The following MSRA variants were observed in gnomAD, a reference collection of about 807,000 sequenced individuals.
MSRA encodes the protein mitochondrial peptide methionine sulfoxide reductase.
Under a neutral mutation model 31.3 loss-of-function variants are expected in MSRA, and 54 were observed. The observed-to-expected ratio is 1.73, with a 90% CI of 1.39 to 2.17. The LOEUF (loss-of-function observed/expected upper bound fraction) is 2.17, where lower values mean the gene tolerates loss of function less well. Ranked by LOEUF, MSRA falls within the 30% of genes most tolerant of loss-of-function variation. The probability of loss-of-function intolerance (pLI) is 0.00; values close to 1 mark genes in which losing one functional copy is unlikely to be tolerated. For synonymous variants in MSRA, 169 were observed against 116.5 expected, an observed-to-expected ratio of 1.45 and a Z score of -2.90; for missense variants, 507 against 300.9, an observed-to-expected ratio of 1.69 and a Z score of -5.07.
rs542788906 is a variant in MSRA, at chr8:10,177,995, G to C, written c.143-29838G>C. Among the ~76,000 whole-genome samples, 6 of 152,148 alleles carry C rather than the reference G, an allele frequency of 3.9e-5. No individual in the cohort carries two copies. The South Asian group carries it at 1.2e-3, about 32-fold the overall frequency. On this transcript the variant is annotated intron_variant, in intron 1 of 5. Coordinates refer to ENST00000317173, the MANE Select transcript of MSRA (RefSeq NM_012331.5). ...CAAGAACCTGTTCATCTCACTGTGG[G>C]GTTTATATCCTCCTTACCGCTTCAC... is the stretch of plus-strand genomic sequence containing the variant.
At chr8:10,144,696 A>G (rs1802992631) in intron 1 of MSRA, among the ~76,000 whole-genome samples, 1 of 150,874 alleles carries the variant, frequency 6.6e-6, no homozygotes, top group African/African-American at 2.4e-5. Flanking sequence ...ATTCTGCAGC[A>G]TCCTGCTGTG....
chr8:10,148,709 G>C (rs1286127058), intron 1 of MSRA, among the ~76,000 whole-genome samples: 4 of 146,836 alleles, frequency 2.7e-5, no homozygotes. Flanking sequence ...GGCCGAGGCA[G>C]GAGGATTGCT....
intron 2 of MSRA, among the ~76,000 whole-genome samples, chr8:10,215,473 C>G (rs556537978): frequency 1.3e-5 from 2 of 152,344 alleles, no homozygotes; most frequent in South Asian, 2.1e-4. Flanking sequence ...GCTCTCCTCA[C>G]TCTGGGTGAG....
At chr8:10,393,048 C>A (rs575726672) in intron 5 of MSRA, among the ~76,000 whole-genome samples, 2 of 121,352 alleles carry the variant, frequency 1.6e-5, no homozygotes, top group Non-Finnish European at 3.2e-5. Context: ...GACGACTGAG[C>A]GAGACTCCGT....
At chr8:10,215,025 A>C (rs1364998992) in intron 2 of MSRA, among the ~76,000 whole-genome samples, 5 of 152,202 alleles carry the variant, frequency 3.3e-5, no homozygotes, top group African/African-American at 9.7e-5. Context: ...ATGGAGTCAC[A>C]GAGGAGGGTG....
At chr8:10,081,676 G>T (rs1240955120) in intron 1 of MSRA, among the ~76,000 whole-genome samples, 2 of 152,100 alleles carry the variant, frequency 1.3e-5, no homozygotes, top group Non-Finnish European at 2.9e-5. Context: ...TTTTAGTAGA[G>T]ACGGGGTTTC....
At chr8:10,147,529 C>G (rs150199228) in intron 1 of MSRA, among the ~76,000 whole-genome samples, 59 of 152,310 alleles carry the variant, frequency 3.9e-4, no homozygotes, top group African/African-American at 1.2e-3. Context: ...GGAAGTGACA[C>G]ACTCTGTCTC....
chr8:10,408,770 T>G (rs917790244), intron 5 of MSRA, among the ~76,000 whole-genome samples: 2 of 124,342 alleles, frequency 1.6e-5, no homozygotes, highest in African/African-American at 6.0e-5. Context: ...CCAGTAACTA[T>G]TATGTTCTTG....
chr8:10,398,368 G>T (rs1384239115), intron 5 of MSRA, among the ~76,000 whole-genome samples: 2 of 152,176 alleles, frequency 1.3e-5, no homozygotes, highest in Admixed American at 6.5e-5. Context: ...AGCAGGTCAG[G>T]GTGGCTCCTC....
In MSRA at chr8:10,335,250, GTTTTTTTTTT is replaced by G. The variant is rs1170264568; in HGVS notation, c.543+15275_543+15284del. ...TTCACCCTTAACACCTCCCAGCTCT[GTTTTTTTTTT>G]TTTTTTTTTTTTTGTAGTGTTTGAA... On this transcript the variant is annotated intron_variant, in intron 5 of 5. Coordinates refer to ENST00000317173, the MANE Select transcript of MSRA (RefSeq NM_012331.5). 6.3e-5 allele frequency among the ~76,000 whole-genome samples: 5 copies of G among 79,880 alleles called. No individual in the cohort carries two copies. In the East Asian group the frequency reaches 2.2e-3, roughly 35 times the overall value. The allele number at this position is 79,880 out of a possible 152,430, so 52.4% of individuals were successfully genotyped here. A position where few individuals can be genotyped will look rare whatever the true frequency, so the allele number is the denominator to read the frequency against.
intron 1 of MSRA, among the ~76,000 whole-genome samples, chr8:10,122,111 C>A (rs1347974673): frequency 6.6e-6 from 1 of 152,068 alleles, no homozygotes; most frequent in East Asian, 1.9e-4. Flanking sequence ...CATGGCAAAG[C>A]TGGAAGGGTC....
At chr8:10,096,250 GT>G (rs2128929935) in intron 1 of MSRA, 1 of 1,185,990 alleles carries the variant, frequency 8.4e-7, no homozygotes, top group East Asian at 3.7e-5. Context: ...CCAGCAATTA[GT>G]GACAACACTG....
chr8:10,336,541 G>A (rs1803057633), intron 5 of MSRA, among the ~76,000 whole-genome samples: 1 of 151,586 alleles, frequency 6.6e-6, no homozygotes, highest in Non-Finnish European at 1.5e-5. Flanking sequence ...ACCAAACTCA[G>A]TGTCTGATGT....
chr8:10,378,337 T>G (rs1805867488), intron 5 of MSRA, among the ~76,000 whole-genome samples: 2 of 152,110 alleles, frequency 1.3e-5, no homozygotes, highest in African/African-American at 2.4e-5. Flanking sequence ...ACTCATTGGG[T>G]GGGCAGCTGC....
In MSRA at chr8:10,192,412, G is replaced by A. The variant is rs561733359; in HGVS notation, c.143-15421G>A. The stretch of plus-strand genomic sequence containing the variant: ...AGCCTTCAGATGAGACCGCAGCCCA[G>A]CTGACACCTTGATTGCATGTTTGTG... On this transcript the variant is annotated intron_variant, in intron 1 of 5. Transcript: ENST00000317173. Among the ~76,000 whole-genome samples the A allele has an allele frequency of 2.0e-5, 3 of 152,258 alleles. No individual in the cohort carries two copies. The South Asian group carries it at 6.2e-4, about 32-fold the overall frequency.
intron 2 of MSRA, among the ~76,000 whole-genome samples, chr8:10,236,215 C>T (rs1050433238): frequency 2.6e-5 from 4 of 152,110 alleles, no homozygotes; most frequent in Non-Finnish European, 4.4e-5. Flanking sequence ...ACAAGGATTC[C>T]TAGCATTGTC....
At chr8:10,054,685 G>A (rs769096629) in intron 1 of MSRA, 27 bp downstream of exon 1, 15 of 1,487,424 alleles carry the variant, frequency 1.0e-5, no homozygotes, top group Admixed American at 2.2e-5. Context: ...CGGAAGGCGC[G>A]GGCGGCGACG....
At chr8:10,348,512 AGCGTGCGCCACCAT>A (rs1803931123) in intron 5 of MSRA, among the ~76,000 whole-genome samples, 1 of 151,706 alleles carries the variant, frequency 6.6e-6, no homozygotes, top group Non-Finnish European at 1.5e-5. Context: ...CGGGACTACA[AGCGTGCGCCACCAT>A]GCCCGGCTAA....
intron 1 of MSRA, among the ~76,000 whole-genome samples, chr8:10,149,432 C>G (rs1369951634): frequency 6.6e-6 from 1 of 152,178 alleles, no homozygotes; most frequent in African/African-American, 2.4e-5. Context: ...CTGAGAAATT[C>G]TTTATGCAAC....
Sources: gnomAD v4.1 joint callset for allele counts (sites outside exome capture counted in the v4.1 genomes callset) on GRCh38, gnomAD v4.1.1 for gene constraint, MANE v1.5 for transcripts, NCBI Gene and HGNC (gene_info 2026-07-23, HGNC 2026-07-21) for gene names.